The following MDN1 variants were observed in gnomAD, a reference collection of about 807,000 sequenced individuals.
MDN1 encodes the protein midasin.
MDN1 carries 266 observed loss-of-function variants against 669.2 expected under a neutral mutation model. The ratio of observed to expected loss-of-function variants is 0.40; its 90% CI spans 0.36 to 0.44. MDN1 has a LOEUF of 0.44. Among genes scored for constraint, MDN1 ranks in the 20% least tolerant of loss-of-function variants. The pLI, the probability that MDN1 is intolerant of heterozygous loss-of-function variation, is 1.00. For missense variants in MDN1, 5,940 were observed against 6,754.0 expected, an observed-to-expected ratio of 0.88 and a Z score of 4.22; for synonymous variants, 2,385 against 2,457.1, an observed-to-expected ratio of 0.97 and a Z score of 0.87.
At chr6:89,763,973 G>A (rs1310334060) in intron 15 of MDN1, among the ~76,000 whole-genome samples, 1 of 152,174 alleles carries the variant, frequency 6.6e-6, no homozygotes, top group East Asian at 1.9e-4. Flanking sequence ...CCACCACTTC[G>A]GGAGGTCAAG....
intron 12 of MDN1, among the ~76,000 whole-genome samples, chr6:89,775,137 A>G (rs2128323381): frequency 6.6e-6 from 1 of 152,334 alleles, no homozygotes; most frequent in South Asian, 2.1e-4. Flanking sequence ...CTACAGCCAA[A>G]GCAAAAAGAG....
intron 86 of MDN1, 73 bp downstream of exon 86, chr6:89,662,719 G>A: frequency 6.8e-7 from 1 of 1,469,508 alleles, no homozygotes; most frequent in Non-Finnish European, 9.3e-7. Context: ...AGAAGTAAAT[G>A]ACAGAGAATG....
chr6:89,763,217 T>A (rs1263109742), intron 15 of MDN1, among the ~76,000 whole-genome samples: 1 of 151,944 alleles, frequency 6.6e-6, no homozygotes, highest in Non-Finnish European at 1.5e-5. Context: ...TATCTGAAAT[T>A]GATTTACTTA....
intron 15 of MDN1, among the ~76,000 whole-genome samples, chr6:89,763,366 A>G (rs1272010857): frequency 1.3e-5 from 2 of 149,330 alleles, no homozygotes; most frequent in East Asian, 1.9e-4. Context: ...AATCTTAGCT[A>G]TTGCAATGGT....
In MDN1 at chr6:89,675,818, G is replaced by A; in HGVS notation, c.12646-239C>T. On this transcript the variant is annotated intron_variant, in intron 77 of 101. Coordinates refer to ENST00000369393, the MANE Select transcript of MDN1 (RefSeq NM_014611.3). Reference sequence around the variant, plus strand: ...TAGTGGTCTTTTCTCAATTCACAAAGGGAAGAAAGATCTAAAGATGGCATT... The same window carrying A: ...TAGTGGTCTTTTCTCAATTCACAAAAGGAAGAAAGATCTAAAGATGGCATT... The A allele has an allele frequency of 7.1e-6, 4 of 564,670 alleles. No individual in the cohort carries two copies. In the South Asian group the frequency reaches 9.9e-5, roughly 14 times the overall value. 35.0% of individuals were successfully genotyped at this position (564,670 alleles called of 1,614,324 possible).
At chr6:89,790,513 T>G (rs1254956812) in intron 5 of MDN1, 112 bp from the exon 6 acceptor site, 4 of 1,289,290 alleles carry the variant, frequency 3.1e-6, no homozygotes, top group Non-Finnish European at 4.4e-6. Context: ...GTAAGTAAAT[T>G]AGTAGTACCA....
intron 1 of MDN1, among the ~76,000 whole-genome samples, chr6:89,813,924 T>TAAAACAAAAAAA (rs1768629495): frequency 7.4e-6 from 1 of 135,524 alleles, no homozygotes. Flanking sequence ...ACCTAAGATT[T>TAAAACAAAAAAA]AAAAAAAAAA....
At chr6:89,746,890 TAAAGGA>T (rs1035058820) in intron 27 of MDN1, among the ~76,000 whole-genome samples, 12 of 152,154 alleles carry the variant, frequency 7.9e-5, no homozygotes, top group African/African-American at 2.9e-4. Context: ...TCCCATGCAT[TAAAGGA>T]AAACAACAAA....
intron 20 of MDN1, among the ~76,000 whole-genome samples, chr6:89,755,907 T>G (rs6942026): frequency 0.67 from 102,003 of 152,036 alleles, 34,284 homozygotes; most frequent in African/African-American, 0.71. Context: ...TCTCCTTACA[T>G]CCCACATAGC....
chr6:89,694,023 C>T (rs1453210701), intron 62 of MDN1, 51 bp downstream of exon 62: 4 of 1,439,184 alleles, frequency 2.8e-6, no homozygotes, highest in Non-Finnish European at 3.9e-6. Flanking sequence ...TACATTACAT[C>T]AAAAGGAGAG....
chr6:89,757,074 T>C (rs1437542253), intron 19 of MDN1, among the ~76,000 whole-genome samples: 1 of 152,180 alleles, frequency 6.6e-6, no homozygotes, highest in African/African-American at 2.4e-5. Context: ...ACTACTTTAA[T>C]GTAGTTTCTA....
rs188787463 is a variant in MDN1 at position 89,731,086 on chromosome 6, C to T, written c.4943-163G>A. Among the ~76,000 whole-genome samples, 22 of 152,298 alleles carry T rather than the reference C, an allele frequency of 1.4e-4. No individual in the cohort carries two copies. In the South Asian group the frequency reaches 1.5e-3, roughly 10 times the overall value. ...GCAGTCCTAAGAAAGAAGTCCAACA[C>T]GCATCCCCCACAATCTATGGATTAT... is the stretch of plus-strand genomic sequence containing the variant. On this transcript the variant is annotated intron_variant, in intron 34 of 101. Coordinates refer to ENST00000369393, the MANE Select transcript of MDN1 (RefSeq NM_014611.3).
At chr6:89,773,588 G>C (rs897253011) in intron 13 of MDN1, among the ~76,000 whole-genome samples, 3 of 150,078 alleles carry the variant, frequency 2.0e-5, no homozygotes, top group African/African-American at 4.9e-5. Context: ...ACACAAGGAA[G>C]AAGGGCCACA....
rs115953929 is a variant in MDN1 at position 89,673,256 on chromosome 6, A to G, written c.13454T>C (p.Leu4485Pro). 1.9e-6 allele frequency: 3 copies of G among 1,614,060 alleles called. No homozygotes were observed. Among genetic ancestry groups the G allele is most frequent in the Non-Finnish European group, 2.5e-6 (3 of 1,179,892 alleles). ...CTTACCTCCTTGGCTATCTGAAGTA[A>G]GCAGATGGGTCTTCCAGGTAGTAAA... ...ADFTTWKTHLLTSDSQGGNQM... is the reference protein window; with the variant it reads ...ADFTTWKTHLPTSDSQGGNQM... The change falls in exon 80 of 102, where the codon CTT becomes CCT. Residue 4485 changes from leucine to proline, a missense_variant. Physicochemically the swap from Leu to Pro is moderately conservative, Grantham distance 98. Transcript: ENST00000369393.
chr6:89,787,841 T>G lies in MDN1; in HGVS notation c.1334+13A>C, dbSNP rs1272299133. The G allele has an allele frequency of 6.3e-7, 1 of 1,596,298 alleles. No individual in the cohort carries two copies. The highest frequency in any genetic ancestry group is 1.7e-5 in the Admixed American group (1 of 58,782). On this transcript the variant is annotated intron_variant, in intron 8 of 101. Transcript: ENST00000369393. ...GGCTCCAGAGTGAAAACAGAAAGGT[T>G]ACTAGTACATACCTCCTGGTTGCAA...
intron 14 of MDN1, among the ~76,000 whole-genome samples, chr6:89,772,064 G>A (rs778178823): frequency 2.0e-5 from 3 of 152,118 alleles, no homozygotes; most frequent in Non-Finnish European, 4.4e-5. Context: ...AGAAGTTGGA[G>A]ACCAACCTAG....
At chr6:89,697,898 A>C (rs370538535) in intron 59 of MDN1, among the ~76,000 whole-genome samples, 8 of 152,236 alleles carry the variant, frequency 5.3e-5, no homozygotes, top group Admixed American at 3.3e-4. Flanking sequence ...ATTTTTTTTA[A>C]AAAAAAGCAC....
In MDN1 at chr6:89,692,697, C is replaced by G; in HGVS notation, c.10333G>C (p.Val3445Leu). 1 of 1,614,212 alleles carries G rather than the reference C, an allele frequency of 6.2e-7. No homozygotes were observed. Among genetic ancestry groups the G allele is most frequent in the Non-Finnish European group, 8.5e-7 (1 of 1,180,032 alleles). ...LATALLAFPSVGPTFPTYYAH... is the reference protein window; with the variant it reads ...LATALLAFPSLGPTFPTYYAH... The stretch of plus-strand genomic sequence containing the variant: ...TAGTAAGTCGGGAAGGTGGGGCCCA[C>G]CGATGGGAAAGCCAGCAAGGCTGTG... Residue 3445 changes from valine (V) to leucine (L), a missense_variant, in exon 63 of 102, where the codon GTG (valine) becomes CTG (leucine). This residue lies in a region of MDN1 where 150 missense variants were observed against 234.2 expected (regional missense o/e 0.64). Transcript: ENST00000369393.
intron 2 of MDN1, among the ~76,000 whole-genome samples, chr6:89,795,795 A>C (rs1819561158): frequency 6.6e-6 from 1 of 152,034 alleles, no homozygotes; most frequent in South Asian, 2.1e-4. Context: ...TCTACTAAAA[A>C]TACAAAATTA....
Sources: gnomAD v4.1 joint callset for allele counts (sites outside exome capture counted in the v4.1 genomes callset) on GRCh38, gnomAD v4.1.1 for gene constraint, gnomAD v4.1.1 regional missense constraint, MANE v1.5 for transcripts, NCBI Gene and HGNC (gene_info 2026-07-23, HGNC 2026-07-21) for gene names.